Variants in RAB3GAP1 observed in about 807,000 individuals in gnomAD.
The protein encoded by RAB3GAP1 is rab3 GTPase-activating protein catalytic subunit.
A neutral mutation model predicts 130.7 loss-of-function variants in RAB3GAP1; 86 were observed. The observed-to-expected ratio is 0.66, with a 90% CI of 0.55 to 0.79. The LOEUF is 0.79. Among genes scored for constraint, RAB3GAP1 ranks in the 30% least tolerant of loss-of-function variants. The pLI, the probability that RAB3GAP1 is intolerant of heterozygous loss-of-function variation, is 0.00. For synonymous variants in RAB3GAP1, 367 were observed against 401.7 expected (o/e 0.91, Z 1.03); for missense variants, 1,029 against 1,169.4 (o/e 0.88, Z 1.75).
At chr2:135,163,224 T>C in intron 22 of RAB3GAP1, 123 bp downstream of exon 22, 1 of 748,916 alleles carries the variant, frequency 1.3e-6, no homozygotes, top group South Asian at 1.5e-5. Flanking sequence ...GAAACAAGCA[T>C]TGTCTAGAGA....
At chr2:135,165,465 A>G (rs868313982) in intron 23 of RAB3GAP1, among the ~76,000 whole-genome samples, 1 of 152,138 alleles carries the variant, frequency 6.6e-6, no homozygotes, top group Non-Finnish European at 1.5e-5. Context: ...TCAGAAACAA[A>G]TAAGAAAAAG....
intron 18 of RAB3GAP1, among the ~76,000 whole-genome samples, 160 bp downstream of exon 18, chr2:135,150,666 C>T (rs1573601019): frequency 1.3e-5 from 2 of 152,098 alleles, no homozygotes; most frequent in Admixed American, 6.5e-5. Flanking sequence ...CCCCAGAGGA[C>T]ATAGTCAAAC....
At chr2:135,146,047 G>T (rs557973639) in intron 17 of RAB3GAP1, among the ~76,000 whole-genome samples, 2 of 151,890 alleles carry the variant, frequency 1.3e-5, no homozygotes, top group East Asian at 3.9e-4. Flanking sequence ...TACTAGCTTT[G>T]GTTTTTGTTT....
intron 17 of RAB3GAP1, among the ~76,000 whole-genome samples, chr2:135,141,070 C>G (rs1286883659): frequency 6.6e-6 from 1 of 151,658 alleles, no homozygotes; most frequent in Non-Finnish European, 1.5e-5. Flanking sequence ...TGTCTATCTT[C>G]TTGGTGAAAA....
At chr2:135,129,942 T>C (rs1691481108) in intron 11 of RAB3GAP1, 53 bp from the exon 12 acceptor site, 2 of 1,115,550 alleles carry the variant, frequency 1.8e-6, no homozygotes, top group African/African-American at 3.2e-5. Context: ...TTTATAGGAC[T>C]GATTTTTTTT....
chr2:135,066,430 A>G (rs1365275138), intron 3 of RAB3GAP1, among the ~76,000 whole-genome samples: 2 of 152,254 alleles, frequency 1.3e-5, no homozygotes, highest in Non-Finnish European at 2.9e-5. Flanking sequence ...AACAGACTTC[A>G]ACAGTTAGTT....
Position 135,135,334 on chromosome 2 carries a change from A to G in RAB3GAP1, c.1554+15A>G, listed in dbSNP as rs528069322. ...AGAAACTACAGGTAAAGATTTCTCA[A>G]TGACATGGATAAATGTGGTCTTGAT... is the stretch of plus-strand genomic sequence containing the variant. On this transcript the variant is annotated intron_variant, in intron 16 of 23. Transcript: ENST00000264158. 6.9e-6 allele frequency: 11 copies of G among 1,584,164 alleles called. No homozygotes were observed. The South Asian group carries it at 1.0e-4, about 14-fold the overall frequency.
intron 17 of RAB3GAP1, among the ~76,000 whole-genome samples, chr2:135,138,664 A>G (rs1034806346): frequency 1.3e-5 from 2 of 150,682 alleles, no homozygotes; most frequent in Non-Finnish European, 2.9e-5. Context: ...GCTGGAATGC[A>G]GTGGCATGAT....
chr2:135,165,150 G>A (rs1337798687), intron 23 of RAB3GAP1: 1 of 456,384 alleles, frequency 2.2e-6, no homozygotes, highest in Non-Finnish European at 4.4e-6. Flanking sequence ...TACCTTTGAG[G>A]TTTCCTAGAA....
intron 18 of RAB3GAP1, 150 bp from the exon 19 acceptor site, chr2:135,153,499 A>G (rs1185303418): frequency 4.3e-6 from 3 of 695,952 alleles, no homozygotes; most frequent in Non-Finnish European, 7.7e-6. Context: ...TTAACATCTG[A>G]CCTATTTTAA....
intron 3 of RAB3GAP1, among the ~76,000 whole-genome samples, chr2:135,075,445 A>T (rs773745086): frequency 6.6e-6 from 1 of 152,166 alleles, no homozygotes; most frequent in Non-Finnish European, 1.5e-5. Flanking sequence ...ATCTTTTTTT[A>T]AAAACTGTAT....
chr2:135,082,360 C>G (rs576578788), intron 3 of RAB3GAP1, among the ~76,000 whole-genome samples: 1 of 152,150 alleles, frequency 6.6e-6, no homozygotes, highest in Non-Finnish European at 1.5e-5. Flanking sequence ...CCTAACCCTA[C>G]ACAACAGCTA....
At position 135,130,573 on chromosome 2, in the gene RAB3GAP1, C is replaced by G; in HGVS notation, c.1088C>G (p.Ala363Gly). 6.2e-7 allele frequency: 1 copy of G among 1,613,406 alleles called. No homozygotes were observed. Among genetic ancestry groups the G allele is most frequent in the Non-Finnish European group, 8.5e-7 (1 of 1,179,572 alleles). The change falls in exon 13 of 24, where the codon GCT becomes GGT. Residue 363 changes from alanine (A) to glycine (G), a missense_variant. Physicochemically the swap from Ala to Gly is moderately conservative, Grantham distance 60. Coordinates refer to ENST00000264158, the MANE Select transcript of RAB3GAP1 (RefSeq NM_012233.3). ...EGKETADITHALSKLTEPASV... is the reference protein window; with the variant it reads ...EGKETADITHGLSKLTEPASV... The stretch of plus-strand genomic sequence containing the variant: ...ATAGAAACTGCTGATATAACTCATG[C>G]TTTGTCAAAATTGACAGAGCCGGCA...
chr2:135,161,514 G>A (rs2104995844), intron 19 of RAB3GAP1, among the ~76,000 whole-genome samples: 1 of 152,130 alleles, frequency 6.6e-6, no homozygotes, highest in South Asian at 2.1e-4. Context: ...ATAAAGAAAA[G>A]CAAAAGAATG....
At position 135,116,289 on chromosome 2, in the gene RAB3GAP1, G is replaced by A. The variant is rs573976831; in HGVS notation, c.648+908G>A. On this transcript the variant is annotated intron_variant, in intron 7 of 23. Coordinates refer to ENST00000264158, the MANE Select transcript of RAB3GAP1 (RefSeq NM_012233.3). Reference sequence around the variant, plus strand: ...TATGTATATTACAATGAAGTATATCGATTATAAATAAATATATTAATTATG... The same window carrying A: ...TATGTATATTACAATGAAGTATATCAATTATAAATAAATATATTAATTATG... Among the ~76,000 whole-genome samples, 26 of 151,820 alleles carry A rather than the reference G, an allele frequency of 1.7e-4. No individual in the cohort carries two copies. The East Asian group carries it at 2.9e-3, about 17-fold the overall frequency.
At chr2:135,172,647 G>A (rs1352392470), downstream of RAB3GAP1, among the ~76,000 whole-genome samples, 1 of 152,176 alleles carries the variant, frequency 6.6e-6, no homozygotes. Flanking sequence ...GAGAGTCAAG[G>A]ATGACTTGAA....
intron 13 of RAB3GAP1, among the ~76,000 whole-genome samples, chr2:135,132,163 A>G (rs1691565846): frequency 6.6e-6 from 1 of 152,234 alleles, no homozygotes; most frequent in African/African-American, 2.4e-5. Context: ...TATACATAGT[A>G]AGAGGGATTA....
intron 3 of RAB3GAP1, among the ~76,000 whole-genome samples, chr2:135,069,732 A>G (rs1689416613): frequency 1.3e-5 from 2 of 152,102 alleles, no homozygotes; most frequent in Non-Finnish European, 2.9e-5. Flanking sequence ...TAGAGAGCCT[A>G]CTGTGCAGTA....
At chr2:135,146,966 G>C (rs1465256945) in intron 17 of RAB3GAP1, among the ~76,000 whole-genome samples, 2 of 135,356 alleles carry the variant, frequency 1.5e-5, no homozygotes, top group Admixed American at 7.3e-5. Flanking sequence ...TTTCAAGGGG[G>C]TATAAACACA....
Sources: gnomAD v4.1 joint callset for allele counts (sites outside exome capture counted in the v4.1 genomes callset) on GRCh38, gnomAD v4.1.1 for gene constraint, MANE v1.5 for transcripts, NCBI Gene and HGNC (gene_info 2026-07-23, HGNC 2026-07-21) for gene names.